The following HSF2 variants were observed in gnomAD, a reference collection of about 807,000 sequenced individuals.
HSF2 encodes the protein heat shock factor protein 2.
A neutral mutation model predicts 65.0 loss-of-function variants in HSF2; 21 were observed. That is an observed-to-expected ratio of 0.32 (90% confidence interval 0.23 to 0.47). The LOEUF is 0.47. Among genes scored for constraint, HSF2 ranks in the 20% least tolerant of loss-of-function variants. HSF2 has a pLI of 1.00. For synonymous variants in HSF2, 225 were observed against 219.1 expected (o/e 1.03, Z -0.24); for missense variants, 499 against 628.1 (o/e 0.79, Z 2.20).
In HSF2 at chr6:122,431,437, A is replaced by G; in HGVS notation, c.1238A>G (p.Asn413Ser). The change falls in exon 12 of 13, where the codon AAT becomes AGT. Residue 413 changes from asparagine to serine, a missense_variant. Coordinates refer to ENST00000368455, the MANE Select transcript of HSF2 (RefSeq NM_004506.4). ...TATATTTTTTTCTTTTAGTCTGAGAATAAAGGATTAGAAACTACCAAGAAC... is the reference window on the plus strand; with the variant it reads ...TATATTTTTTTCTTTTAGTCTGAGAGTAAAGGATTAGAAACTACCAAGAAC... ...TDYINNTKSE[N>S]KGLETTKNNV... is the part of the protein sequence containing the mutation. The G allele has an allele frequency of 1.3e-6, 2 of 1,522,386 alleles. No individual in the cohort carries two copies. Among genetic ancestry groups the G allele is most frequent in the Non-Finnish European group, 1.8e-6 (2 of 1,124,518 alleles). The allele number at this position is 1,522,386 out of a possible 1,614,324, so 94.3% of individuals were successfully genotyped here. A position where few individuals can be genotyped will look rare whatever the true frequency, so the allele number is the denominator to read the frequency against.
chr6:122,432,151 T>C lies in HSF2; in HGVS notation c.1542T>C (p.Ala514=). ...EPLTEAEASE[A]TLFYLCELAP... ...TGACTGAAGCTGAAGCTAGTGAAGC[T>C]ACACTGTTTTATTTATGTGAACTTG... Residue 514 remains alanine (A), a synonymous_variant, in exon 13 of 13, where the codon GCT becomes GCC. Transcript: ENST00000368455. 6.2e-7 allele frequency: 1 copy of C among 1,614,136 alleles called. No homozygotes were observed. Among genetic ancestry groups the C allele is most frequent in the Middle Eastern group, 1.6e-4 (1 of 6,062 alleles).
At position 122,413,414 on chromosome 6, in the gene HSF2, C is replaced by T. The variant is rs1774045300; in HGVS notation, c.331-111C>T. 17 of 715,268 alleles carry T rather than the reference C, an allele frequency of 2.4e-5. 2 individuals carry two copies. In the South Asian group the frequency reaches 3.3e-4, roughly 14 times the overall value. The allele number at this position is 715,268 out of a possible 1,614,324, so 44.3% of individuals were successfully genotyped here. A position where few individuals can be genotyped will look rare whatever the true frequency, so the allele number is the denominator to read the frequency against. ...GCATTTCATCCCGGGCTTTTGGAACCAGATCTCACTTCCTGAACAGGCTAC... is the reference window on the plus strand; with the variant it reads ...GCATTTCATCCCGGGCTTTTGGAACTAGATCTCACTTCCTGAACAGGCTAC... On this transcript the variant is annotated intron_variant, in intron 3 of 12. Coordinates refer to ENST00000368455, the MANE Select transcript of HSF2 (RefSeq NM_004506.4).
chr6:122,431,784 A>G (rs1174974184), intron 12 of HSF2, 141 bp from the exon 13 acceptor site: 3 of 686,316 alleles, frequency 4.4e-6, no homozygotes, highest in Non-Finnish European at 7.4e-6. Context: ...AAATTTATTG[A>G]CATAGTGCAT....
intron 7 of HSF2, among the ~76,000 whole-genome samples, chr6:122,421,120 A>G (rs1378597965): frequency 1.3e-5 from 2 of 151,858 alleles, no homozygotes; most frequent in Non-Finnish European, 1.5e-5. Context: ...ACTTTTTTTT[A>G]TTAATGTTCA....
chr6:122,412,232 G>A, intron 1 of HSF2, 141 bp from the exon 2 acceptor site: 1 of 561,550 alleles, frequency 1.8e-6, no homozygotes, highest in Non-Finnish European at 3.2e-6. Context: ...TCTTGTTCCT[G>A]TTGTCAAGAA....
chr6:122,404,451 C>G (rs1283323997), intron 1 of HSF2, among the ~76,000 whole-genome samples: 5 of 152,146 alleles, frequency 3.3e-5, no homozygotes. Context: ...AAAGAATGAG[C>G]TAAAGACTCT....
At chr6:122,422,429 T>A in intron 8 of HSF2, 131 bp downstream of exon 8, 1 of 798,846 alleles carries the variant, frequency 1.3e-6, no homozygotes, top group South Asian at 1.6e-5. Context: ...ACTTGATAAT[T>A]AAGCTAAATT....
chr6:122,408,763 G>T (rs1360567044), intron 1 of HSF2, among the ~76,000 whole-genome samples: 2 of 151,728 alleles, frequency 1.3e-5, no homozygotes, highest in Admixed American at 1.3e-4. Flanking sequence ...AATTATCATG[G>T]CATTCTGGCT....
rs778194879 is a variant in HSF2, at chr6:122,416,307, CTT to C, written c.531+14_531+15del. On this transcript the variant is annotated intron_variant, in intron 5 of 12. Transcript: ENST00000368455. ...CAAGTTATTCGAAAGGTAAGAAGCT[CTT>C]TTCCCCAGGACCATAATTTGCATTT... 6.3e-7 allele frequency: 1 copy of C among 1,596,162 alleles called. No homozygotes were observed. The highest frequency in any genetic ancestry group is 1.3e-5 in the African/African-American group (1 of 74,472).
At chr6:122,420,047 A>C in intron 6 of HSF2, 88 bp from the exon 7 acceptor site, 2 of 1,277,616 alleles carry the variant, frequency 1.6e-6, no homozygotes, top group East Asian at 2.5e-5. Context: ...GTGAGTGTGC[A>C]TGTGTGTGTG....
intron 7 of HSF2, 59 bp downstream of exon 7, chr6:122,420,281 G>T: frequency 7.4e-7 from 1 of 1,359,374 alleles, no homozygotes; most frequent in Non-Finnish European, 1.0e-6. Context: ...TTTTATTATG[G>T]CAGTGTTTCA....
chr6:122,431,581 CG>C, intron 12 of HSF2, 67 bp downstream of exon 12: 3 of 843,552 alleles, frequency 3.6e-6, no homozygotes, highest in Admixed American at 4.2e-5. Flanking sequence ...AAGTGCAAGC[CG>C]AGGGTAGTCT....
At chr6:122,418,846 G>A (rs1774176152) in intron 5 of HSF2, among the ~76,000 whole-genome samples, 1 of 152,010 alleles carries the variant, frequency 6.6e-6, no homozygotes, top group African/African-American at 2.4e-5. Context: ...TCTGTTACCT[G>A]GTATAAGAAA....
intron 1 of HSF2, among the ~76,000 whole-genome samples, chr6:122,404,400 A>G (rs909884865): frequency 3.9e-5 from 6 of 152,212 alleles, no homozygotes; most frequent in African/African-American, 1.4e-4. Context: ...AGAAAAGTTG[A>G]AAGATTGATT....
rs1774253494 is a variant in HSF2 at position 122,422,283 on chromosome 6, T to C, written c.815T>C (p.Ile272Thr). The C allele has an allele frequency of 1.9e-6, 3 of 1,599,224 alleles. No individual in the cohort carries two copies. Among genetic ancestry groups the C allele is most frequent in the Admixed American group, 3.3e-5 (2 of 59,716 alleles). Reference sequence around the variant, plus strand: ...ATTCCAGAAACTAATGAGGATGTTATATCTGATCCCTCCAAGTAAGGAGTT... The same window carrying C: ...ATTCCAGAAACTAATGAGGATGTTACATCTGATCCCTCCAAGTAAGGAGTT... ...PVIPETNEDV[I>T]SDPSNCSQYP... Residue 272 changes from isoleucine (I) to threonine (T), a missense_variant, in exon 8 of 13, where the codon ATA becomes ACA. Ile to Thr is a moderately conservative substitution (Grantham distance 89). This residue lies in a region of HSF2 where 349 missense variants were observed against 393.5 expected (regional missense o/e 0.89). Coordinates refer to ENST00000368455, the MANE Select transcript of HSF2 (RefSeq NM_004506.4).
chr6:122,431,776 A>G (rs1774475311), intron 12 of HSF2, 149 bp from the exon 13 acceptor site: 1 of 662,644 alleles, frequency 1.5e-6, no homozygotes, highest in Non-Finnish European at 2.6e-6. Context: ...ACATTTTAAA[A>G]TTTATTGACA....
intron 1 of HSF2, among the ~76,000 whole-genome samples, chr6:122,411,551 G>C (rs1190036431): frequency 6.6e-6 from 1 of 151,654 alleles, no homozygotes; most frequent in African/African-American, 2.4e-5. Flanking sequence ...ATTGTTAAAA[G>C]TTTCTTTAGC....
chr6:122,415,643 T>C (rs1228606485), intron 4 of HSF2, among the ~76,000 whole-genome samples: 1 of 152,140 alleles, frequency 6.6e-6, no homozygotes, highest in Non-Finnish European at 1.5e-5. Context: ...AATTGCCAAC[T>C]ACTATATTGA....
chr6:122,425,360 T>C (rs2114451748), intron 10 of HSF2, among the ~76,000 whole-genome samples: 1 of 152,196 alleles, frequency 6.6e-6, no homozygotes, highest in South Asian at 2.1e-4. Flanking sequence ...CTTTTCTTTT[T>C]GCTGTATTAG....
Sources: gnomAD v4.1 joint callset for allele counts (sites outside exome capture counted in the v4.1 genomes callset) on GRCh38, gnomAD v4.1.1 for gene constraint, gnomAD v4.1.1 regional missense constraint, MANE v1.5 for transcripts, NCBI Gene and HGNC (gene_info 2026-07-23, HGNC 2026-07-21) for gene names.